Variants in ITGAE observed in about 807,000 individuals in gnomAD.
ITGAE encodes integrin subunit alpha E.
ITGAE carries 99 observed loss-of-function variants against 136.5 expected under a neutral mutation model. That is an observed-to-expected ratio of 0.73 (90% confidence interval 0.62 to 0.86). The LOEUF is 0.86. ITGAE is among the 40% of genes least tolerant of loss of function. ITGAE has a pLI of 0.00. For synonymous variants in ITGAE, 613 were observed against 591.8 expected, an observed-to-expected ratio of 1.04 and a Z score of -0.52; for missense variants, 1,447 against 1,515.3, an observed-to-expected ratio of 0.95 and a Z score of 0.75.
chr17:3,769,394 T>C (rs1279145888), intron 2 of ITGAE, among the ~76,000 whole-genome samples: 2 of 140,390 alleles, frequency 1.4e-5, no homozygotes, highest in East Asian at 2.2e-4. Context: ...CATGAACAGC[T>C]GTGCAGGGTG....
At chr17:3,716,912 T>TCAAA in intron 29 of ITGAE, 114 bp from the exon 30 acceptor site, 1 of 639,346 alleles carries the variant, frequency 1.6e-6, no homozygotes, top group Non-Finnish European at 2.8e-6. Flanking sequence ...CGTGTATTGA[T>TCAAA]CAAAGCTGAT....
intron 13 of ITGAE, among the ~76,000 whole-genome samples, 168 bp from the exon 14 acceptor site, chr17:3,753,598 G>A (rs1368371399): frequency 7.2e-5 from 11 of 152,202 alleles, no homozygotes; most frequent in Non-Finnish European, 1.6e-4. Flanking sequence ...GCCCCACAGC[G>A]GAGGAAACTG....
chr17:3,725,262 T>C (rs2051182296), intron 26 of ITGAE: 1 of 1,614,096 alleles, frequency 6.2e-7, no homozygotes, highest in African/African-American at 1.3e-5. Context: ...CTCTATGTAT[T>C]TGCTAAGCCC....
At chr17:3,755,662 G>A (rs1007108304) in intron 11 of ITGAE, among the ~76,000 whole-genome samples, 168 bp downstream of exon 11, 4 of 152,198 alleles carry the variant, frequency 2.6e-5, no homozygotes, top group African/African-American at 4.8e-5. Context: ...GCAAGACTCC[G>A]TCTCAAAATA....
At chr17:3,768,895 T>C (rs932814773) in intron 2 of ITGAE, among the ~76,000 whole-genome samples, 6 of 152,144 alleles carry the variant, frequency 3.9e-5, no homozygotes, top group African/African-American at 9.7e-5. Flanking sequence ...TGAGTGACTA[T>C]TGAACAACAG....
At position 3,753,295 on chromosome 17, in the gene ITGAE, C is replaced by T. The variant is rs763227795; in HGVS notation, c.1663G>A (p.Glu555Lys). ...EGRVYVYRLS[E>K]QDGSFSLARI... ...GAAGATGGAGACTCTCCCACCTGCT[C>T]GCTGAGACGGTACACGTAGACTCTG... Residue 555 changes from glutamate to lysine, a missense_variant, in exon 14 of 31, where the codon GAG becomes AAG. By Grantham distance (56) the Glu-to-Lys change is moderately conservative. Transcript: ENST00000263087. 5.6e-6 allele frequency: 9 copies of T among 1,613,650 alleles called. No homozygotes were observed. Among genetic ancestry groups the T allele is most frequent in the Middle Eastern group, 1.6e-4 (1 of 6,078 alleles).
At chr17:3,724,443 A>G (rs1445126597) in intron 26 of ITGAE, 1 of 1,613,494 alleles carries the variant, frequency 6.2e-7, no homozygotes, top group African/African-American at 1.3e-5. Flanking sequence ...CTCCCTGTTC[A>G]GCTCTCTGGC....
chr17:3,731,335 CTTTTTTTT>C (rs78134599), intron 22 of ITGAE, 152 bp from the exon 23 acceptor site: 141 of 398,576 alleles, frequency 3.5e-4, no homozygotes, highest in Admixed American at 2.0e-3. Context: ...CTTTCCCTTC[CTTTTTTTT>C]TTTTTTTTTT....
intron 13 of ITGAE, 139 bp from the exon 14 acceptor site, chr17:3,753,569 G>T: frequency 8.4e-7 from 1 of 1,190,576 alleles, no homozygotes; most frequent in Non-Finnish European, 1.2e-6. Context: ...AGTAACAGAA[G>T]AGTGGAGGAG....
chr17:3,771,123 CAA>C (rs2052411054), intron 2 of ITGAE, among the ~76,000 whole-genome samples: 1 of 151,970 alleles, frequency 6.6e-6, no homozygotes, highest in Non-Finnish European at 1.5e-5. Flanking sequence ...ATTCATCCAT[CAA>C]AAGGAGGTGC....
At chr17:3,749,162 T>C (rs2051795635) in intron 16 of ITGAE, among the ~76,000 whole-genome samples, 1 of 148,868 alleles carries the variant, frequency 6.7e-6, no homozygotes, top group South Asian at 2.1e-4. Flanking sequence ...CCTGAATTGC[T>C]GGGTGGATGA....
chr17:3,786,444 C>G (rs1418804609), intron 1 of ITGAE, among the ~76,000 whole-genome samples: 1 of 152,022 alleles, frequency 6.6e-6, no homozygotes, highest in East Asian at 1.9e-4. Context: ...AATGAGAAAA[C>G]ATTTTTCAGT....
chr17:3,723,033 C>G (rs1268116694), intron 28 of ITGAE, among the ~76,000 whole-genome samples: 1 of 152,164 alleles, frequency 6.6e-6, no homozygotes, highest in Non-Finnish European at 1.5e-5. Context: ...AATGGCAGGG[C>G]TTGCTGCTGG....
intron 29 of ITGAE, chr17:3,718,091 G>C (rs2050976956): frequency 6.6e-6 from 1 of 152,274 alleles, no homozygotes; most frequent in Admixed American, 6.5e-5. Flanking sequence ...ACTACTGTTT[G>C]CAGCAAACAC....
chr17:3,739,576 G>A (rs1208602255), intron 20 of ITGAE, among the ~76,000 whole-genome samples: 3 of 152,196 alleles, frequency 2.0e-5, no homozygotes, highest in African/African-American at 4.8e-5. Context: ...CCTATGCAGG[G>A]CCCTCGGCGA....
Position 3,759,620 on chromosome 17 carries a change from C to T in ITGAE, c.715-67G>A, listed in dbSNP as rs140028918. 2.3e-4 allele frequency: 355 copies of T among 1,561,702 alleles called. 2 individuals carry two copies. In the African/African-American group the frequency reaches 3.8e-3, roughly 17 times the overall value. ...CCACCTCTGCCCCTGAAATGTCTCC[C>T]GCTGGAAGCAGCAGAAAAATCCACT... On this transcript the variant is annotated intron_variant, in intron 7 of 30. Transcript: ENST00000263087.
chr17:3,724,331 G>A, intron 26 of ITGAE: 1 of 1,589,692 alleles, frequency 6.3e-7, no homozygotes, highest in Non-Finnish European at 8.5e-7. Flanking sequence ...CCTGCGGCCC[G>A]CTCCGACTTC....
chr17:3,723,241 CG>C, intron 28 of ITGAE, 46 bp downstream of exon 28: 1 of 1,234,984 alleles, frequency 8.1e-7, no homozygotes, highest in Non-Finnish European at 1.2e-6. Context: ...GGGCGATGCC[CG>C]TGAGCAACTG....
chr17:3,799,990 G>C lies in ITGAE; in HGVS notation c.34+1121C>G, dbSNP rs2053211516. On this transcript the variant is annotated intron_variant, in intron 1 of 30. Transcript: ENST00000263087. This position sits in a 1 kb window ranked among gnomAD's most constrained non-coding sequence, Gnocchi z 4.1. ...AAAAATTAGCCAGGCGTGGTGGCAG[G>C]CGCCTGTAATCCCAGCTACTCGGGA... 6.6e-6 allele frequency among the ~76,000 whole-genome samples: 1 copy of C among 152,108 alleles called. No individual in the cohort carries two copies. The highest frequency in any genetic ancestry group is 2.4e-5 in the African/African-American group (1 of 41,414).
Sources: gnomAD v4.1 joint callset for allele counts (sites outside exome capture counted in the v4.1 genomes callset) on GRCh38, gnomAD v4.1.1 for gene constraint, Gnocchi (gnomAD v3.1) non-coding constraint, MANE v1.5 for transcripts, NCBI Gene and HGNC (gene_info 2026-07-23, HGNC 2026-07-21) for gene names.